DOK5: variants seen among roughly 807,000 people sequenced by gnomAD.
DOK5 encodes downstream of tyrosine kinase 5.
In DOK5, 27 loss-of-function variants were observed where a neutral mutation model predicts 43.3. That is an observed-to-expected ratio of 0.62 (90% CI 0.46 to 0.86). DOK5 has a LOEUF of 0.86. Ranked by LOEUF, DOK5 falls within the 40% of genes least tolerant of loss-of-function variation. The probability of loss-of-function intolerance (pLI) is 0.00; values close to 1 mark genes in which losing one functional copy is unlikely to be tolerated. For missense variants in DOK5, 373 were observed against 392.9 expected, an observed-to-expected ratio of 0.95 and a Z score of 0.43; for synonymous variants, 146 against 140.1, an observed-to-expected ratio of 1.04 and a Z score of -0.30.
At chr20:54,569,567 CAGGTAAT>C (rs1376742236) in intron 2 of DOK5, among the ~76,000 whole-genome samples, 1 of 152,172 alleles carries the variant, frequency 6.6e-6, no homozygotes, top group Admixed American at 6.5e-5. Context: ...AGTGAGGTAT[CAGGTAAT>C]AGCCTGCACC....
At chr20:54,506,316 T>C (rs1982801174) in intron 1 of DOK5, among the ~76,000 whole-genome samples, 1 of 152,192 alleles carries the variant, frequency 6.6e-6, no homozygotes, top group South Asian at 2.1e-4. Context: ...GATGTTAATT[T>C]TGAGCTGCCC....
chr20:54,580,688 A>G (rs542710798), intron 2 of DOK5, among the ~76,000 whole-genome samples: 3 of 152,228 alleles, frequency 2.0e-5, no homozygotes, highest in Non-Finnish European at 4.4e-5. Context: ...TTGAATAGAC[A>G]TTTGCCCATT....
intron 4 of DOK5, among the ~76,000 whole-genome samples, chr20:54,590,164 G>A (rs552261252): frequency 2.8e-4 from 42 of 152,286 alleles, no homozygotes; most frequent in African/African-American, 9.4e-4. Context: ...TTGGCGGTGC[G>A]TAGGAGATAC....
intron 1 of DOK5, among the ~76,000 whole-genome samples, chr20:54,503,548 T>C (rs6023309): frequency 0.23 from 34,342 of 152,168 alleles, 6,743 homozygotes; most frequent in African/African-American, 0.54. Context: ...GTGTGAATAG[T>C]TTTCACTGTT....
In DOK5 at chr20:54,475,615, G is replaced by T; in HGVS notation, c.-332G>T. On this transcript the variant is annotated 5_prime_UTR_variant, in exon 1 of 8. Coordinates refer to ENST00000262593, the MANE Select transcript of DOK5 (RefSeq NM_018431.5). This position sits in a 1 kb window ranked among gnomAD's most constrained non-coding sequence, Gnocchi z 4.2. ...CTCCTTCTTCTCCTCCTTCTCGGCCGGGAGGAGGCAGGGCTGGATCCCTCA... is the reference window on the plus strand; with the variant it reads ...CTCCTTCTTCTCCTCCTTCTCGGCCTGGAGGAGGCAGGGCTGGATCCCTCA... 2.7e-6 allele frequency: 1 copy of T among 374,078 alleles called. No individual in the cohort carries two copies. The highest frequency in any genetic ancestry group is 4.9e-6 in the Non-Finnish European group (1 of 205,664). 23.2% of individuals were successfully genotyped at this position (374,078 alleles called of 1,614,324 possible). A position where few individuals can be genotyped will look rare whatever the true frequency, so the allele number is the denominator to read the frequency against.
chr20:54,608,910 G>T (rs1163775377), intron 5 of DOK5, among the ~76,000 whole-genome samples: 3 of 152,046 alleles, frequency 2.0e-5, no homozygotes, highest in Non-Finnish European at 4.4e-5. Flanking sequence ...CCTGACCTTA[G>T]ATCATCCGCC....
chr20:54,586,245 CAG>C (rs1341730313), intron 2 of DOK5, among the ~76,000 whole-genome samples: 2 of 152,130 alleles, frequency 1.3e-5, no homozygotes, highest in African/African-American at 4.8e-5. Flanking sequence ...CTGGGTGCTG[CAG>C]AGAGACAACA....
At chr20:54,526,456 C>T (rs955700272) in intron 1 of DOK5, among the ~76,000 whole-genome samples, 18 of 152,266 alleles carry the variant, frequency 1.2e-4, no homozygotes, top group East Asian at 3.9e-4. Context: ...TGAAAGGAAA[C>T]ATGGAAGCTG....
chr20:54,494,150 A>G (rs1029458003), intron 1 of DOK5, among the ~76,000 whole-genome samples: 3 of 152,172 alleles, frequency 2.0e-5, no homozygotes, highest in Non-Finnish European at 4.4e-5. Flanking sequence ...TAAATGTTCA[A>G]TAACTATCTG....
At chr20:54,543,879 T>C (rs1311310472) in intron 1 of DOK5, among the ~76,000 whole-genome samples, 1 of 152,202 alleles carries the variant, frequency 6.6e-6, no homozygotes. Flanking sequence ...CTCTGAAACA[T>C]TTAGAGTATT....
At chr20:54,487,889 T>G (rs1365814952) in intron 1 of DOK5, among the ~76,000 whole-genome samples, 2 of 152,170 alleles carry the variant, frequency 1.3e-5, no homozygotes, top group Non-Finnish European at 2.9e-5. Flanking sequence ...AACTAGCAAG[T>G]CTCGTCAATG....
In DOK5 at chr20:54,627,239, C is replaced by A. The variant is rs947547466; in HGVS notation, c.736-16219C>A. Among the ~76,000 whole-genome samples, 3 of 152,210 alleles carry A rather than the reference C, an allele frequency of 2.0e-5. No homozygotes were observed. The East Asian group carries it at 5.8e-4, about 29-fold the overall frequency. ...CAATACCGCAACAATTATCCTTGTACACAGTTCTTATAGATTGTTAACCTT... is the reference window on the plus strand; with the variant it reads ...CAATACCGCAACAATTATCCTTGTAAACAGTTCTTATAGATTGTTAACCTT... On this transcript the variant is annotated intron_variant, in intron 6 of 7. Coordinates refer to ENST00000262593, the MANE Select transcript of DOK5 (RefSeq NM_018431.5).
chr20:54,547,988 ATT>A (rs1313949821), intron 1 of DOK5, among the ~76,000 whole-genome samples: 3 of 152,186 alleles, frequency 2.0e-5, no homozygotes, highest in African/African-American at 7.2e-5. Context: ...TCTAGAGACA[ATT>A]TTGGTTTTCA....
At chr20:54,610,249 T>C in intron 5 of DOK5, 139 bp from the exon 6 acceptor site, 1 of 903,166 alleles carries the variant, frequency 1.1e-6, no homozygotes, top group Non-Finnish European at 1.5e-6. Flanking sequence ...ATTCCGATTC[T>C]AGTTAACTTT....
At chr20:54,616,045 G>A (rs938520613) in intron 6 of DOK5, among the ~76,000 whole-genome samples, 1 of 152,122 alleles carries the variant, frequency 6.6e-6, no homozygotes, top group Non-Finnish European at 1.5e-5. Flanking sequence ...GTGGTTTTAT[G>A]CCACCACTTG....
chr20:54,635,120 C>T (rs1033370147), intron 6 of DOK5, among the ~76,000 whole-genome samples: 11 of 152,156 alleles, frequency 7.2e-5, no homozygotes, highest in Non-Finnish European at 1.5e-4. Flanking sequence ...GCAAAACTGA[C>T]CAGCATTAAC....
intron 1 of DOK5, among the ~76,000 whole-genome samples, chr20:54,534,060 C>G (rs1192918377): frequency 6.6e-6 from 1 of 152,126 alleles, no homozygotes; most frequent in Non-Finnish European, 1.5e-5. Context: ...AGAAAATAGC[C>G]AGTATGGCTG....
At chr20:54,478,536 T>C (rs1981531619) in intron 1 of DOK5, among the ~76,000 whole-genome samples, 1 of 152,236 alleles carries the variant, frequency 6.6e-6, no homozygotes, top group South Asian at 2.1e-4. Context: ...CTTTAGGAAC[T>C]AATACAACAG....
intron 6 of DOK5, among the ~76,000 whole-genome samples, chr20:54,641,500 TAA>T (rs1321488507): frequency 6.7e-6 from 1 of 148,350 alleles, no homozygotes; most frequent in African/African-American, 2.5e-5. Context: ...TGGAAATTTT[TAA>T]AAAAAAAATC....
Sources: gnomAD v4.1 joint callset for allele counts (sites outside exome capture counted in the v4.1 genomes callset) on GRCh38, gnomAD v4.1.1 for gene constraint, Gnocchi (gnomAD v3.1) non-coding constraint, MANE v1.5 for transcripts, NCBI Gene and HGNC (gene_info 2026-07-23, HGNC 2026-07-21) for gene names.